The following NHSL1 variants were observed in gnomAD, a reference collection of about 807,000 sequenced individuals.
NHSL1 encodes the protein NHS like 1.
In NHSL1, 48 loss-of-function variants were observed where a neutral mutation model predicts 95.0. The ratio of observed to expected loss-of-function variants is 0.51; its 90% confidence interval spans 0.40 to 0.64. The LOEUF is 0.64. NHSL1 is among the 30% of genes least tolerant of loss of function. NHSL1 has a pLI of 0.00. For synonymous variants in NHSL1, 783 were observed against 833.9 expected (o/e 0.94, Z 1.05); for missense variants, 1,971 against 2,077.7 (o/e 0.95, Z 1.00).
intron 1 of NHSL1, among the ~76,000 whole-genome samples, chr6:138,642,696 A>G (rs1315807895): frequency 6.6e-6 from 1 of 152,186 alleles, no homozygotes; most frequent in Non-Finnish European, 1.5e-5. Context: ...GTTTTAGAGA[A>G]TCAGGTCTGT....
chr6:138,459,609 C>T (rs1033708434), intron 3 of NHSL1, among the ~76,000 whole-genome samples: 3 of 152,160 alleles, frequency 2.0e-5, no homozygotes, highest in Non-Finnish European at 4.4e-5. Flanking sequence ...GTCTTGGCTA[C>T]CTCTTTCCAT....
rs1260010068 is a variant in NHSL1, at chr6:138,447,052, G to T, written c.481C>A (p.Arg161=). ...GCCTGGACTGTTTGGGCTTGCTGTC[G>T]CATCTTCTCTTCTGGTGTTGGCAGT... The part of the protein sequence containing the change: ...LPLPTPEEKM[R]QQAQTVQADV... Residue 161 remains arginine, a synonymous_variant, in exon 4 of 8, where the codon CGA becomes AGA. Transcript: ENST00000343505. 4 of 1,551,688 alleles carry T rather than the reference G, an allele frequency of 2.6e-6. No homozygotes were observed. The highest frequency in any genetic ancestry group is 1.4e-5 in the African/African-American group (1 of 73,144).
At position 138,648,178 on chromosome 6, in the gene NHSL1, T is replaced by G. The variant is rs1213175233; in HGVS notation, c.96+44298A>C. On this transcript the variant is annotated intron_variant, in intron 1 of 3. Coordinates refer to the NHSL1 transcript ENST00000491526. ...AGACCGTACACACACACACAGTTGC[T>G]AAGCAGTTATTAAAATGCATCTATC... is the stretch of plus-strand genomic sequence containing the variant. Among the ~76,000 whole-genome samples the G allele has an allele frequency of 5.9e-5, 9 of 152,286 alleles. No individual in the cohort carries two copies. The East Asian group carries it at 1.5e-3, about 26-fold the overall frequency.
At chr6:138,594,321 T>C (rs1784272986) in intron 1 of NHSL1, among the ~76,000 whole-genome samples, 1 of 152,156 alleles carries the variant, frequency 6.6e-6, no homozygotes, top group South Asian at 2.1e-4. Flanking sequence ...TTTGGGAGAA[T>C]GAAGCTACGT....
At chr6:138,546,145 C>T (rs1229232128), upstream of NHSL1, among the ~76,000 whole-genome samples, 1 of 152,006 alleles carries the variant, frequency 6.6e-6, no homozygotes, top group Non-Finnish European at 1.5e-5. Context: ...ACACCATATA[C>T]TGGTACATAA....
intron 1 of NHSL1, among the ~76,000 whole-genome samples, chr6:138,607,704 T>C (rs1784453470): frequency 2.0e-5 from 3 of 151,988 alleles, no homozygotes; most frequent in South Asian, 4.2e-4. Context: ...ATAATCGGAG[T>C]GGGGTTTCTT....
intron 1 of NHSL1, among the ~76,000 whole-genome samples, chr6:138,641,532 A>C (rs1455817519): frequency 6.6e-6 from 1 of 150,720 alleles, no homozygotes; most frequent in Non-Finnish European, 1.5e-5. Flanking sequence ...CTGATGCAGG[A>C]GAATCGCTTG....
intron 1 of NHSL1, among the ~76,000 whole-genome samples, chr6:138,587,579 C>A (rs1305771979): frequency 2.0e-5 from 3 of 149,420 alleles, no homozygotes; most frequent in Admixed American, 1.3e-4. Context: ...AACTACTGAT[C>A]TTTAAGAAAG....
At chr6:138,610,574 A>ATATATATATATATATATAT (rs1784498770) in intron 1 of NHSL1, among the ~76,000 whole-genome samples, 1 of 148,514 alleles carries the variant, frequency 6.7e-6, no homozygotes, top group African/African-American at 2.5e-5. Context: ...ATATATATAT[A>ATATATATATATATATATAT]AAAAGAAAAG....
chr6:138,463,797 C>G lies in NHSL1; in HGVS notation c.339+9509G>C, dbSNP rs772362284. On this transcript the variant is annotated intron_variant, in intron 3 of 7. Transcript: ENST00000343505. Reference sequence around the variant, plus strand: ...TTGTGTGACGTTCTTATATGTCACTCGGTAGTCTGCTCTAATGATGACTCT... The same window carrying G: ...TTGTGTGACGTTCTTATATGTCACTGGGTAGTCTGCTCTAATGATGACTCT... Among the ~76,000 whole-genome samples, 25 of 152,070 alleles carry G rather than the reference C, an allele frequency of 1.6e-4. 1 individual carries two copies. Among genetic ancestry groups the G allele is most frequent in the Admixed American group, 1.1e-3 (17 of 15,260 alleles).
chr6:138,445,953 AT>A (rs1202521741), intron 4 of NHSL1, among the ~76,000 whole-genome samples: 1 of 151,536 alleles, frequency 6.6e-6, no homozygotes, highest in Non-Finnish European at 1.5e-5. Flanking sequence ...TCACATGTCT[AT>A]TTTGCACTTT....
At chr6:138,555,196 G>T (rs1333706578) in intron 1 of NHSL1, among the ~76,000 whole-genome samples, 1 of 152,128 alleles carries the variant, frequency 6.6e-6, no homozygotes, top group South Asian at 2.1e-4. Context: ...TTTCCTTTTT[G>T]ATTTTTGTTT....
chr6:138,650,229 G>A (rs112297316), intron 1 of NHSL1: 25,178 of 630,334 alleles, frequency 0.04, 691 homozygotes, highest in Middle Eastern at 0.096. Context: ...TTACTCCAGG[G>A]TGAAAGATGA....
chr6:138,448,091 C>G (rs573628968), intron 3 of NHSL1, among the ~76,000 whole-genome samples: 71 of 152,200 alleles, frequency 4.7e-4, no homozygotes, highest in Non-Finnish European at 8.2e-4. Flanking sequence ...ACATTTCTAG[C>G]AGTGTCTGTT....
At chr6:138,571,702 C>A (rs936387758) in intron 1 of NHSL1, 1 of 1,548,286 alleles carries the variant, frequency 6.5e-7, no homozygotes, top group Non-Finnish European at 8.7e-7. Context: ...TTTTAAAAAT[C>A]GAGTCACCTT....
chr6:138,569,245 A>ATGTG lies in NHSL1; in HGVS notation c.202+2461_202+2464dup, dbSNP rs58789555. Reference sequence around the variant, plus strand: ...GTCACTGCATGATGGTTGTGTGTATATGTGTGTGTGTGTGTGTGTGTGTGT... The same window carrying ATGTG: ...GTCACTGCATGATGGTTGTGTGTATATGTGTGTGTGTGTGTGTGTGTGTGTGTGT... On this transcript the variant is annotated intron_variant, in intron 1 of 6. Transcript: ENST00000427025. Among the ~76,000 whole-genome samples, 800 of 147,504 alleles carry ATGTG rather than the reference A, an allele frequency of 5.4e-3. 5 individuals are homozygous for ATGTG. Among genetic ancestry groups the ATGTG allele is most frequent in the African/African-American group, 8.7e-3 (352 of 40,328 alleles).
In NHSL1 at chr6:138,434,410, T is replaced by TA. The variant is rs373971787; in HGVS notation, c.665-731dup. Among the ~76,000 whole-genome samples, 1,050 of 138,530 alleles carry TA rather than the reference T, an allele frequency of 7.6e-3. 5 individuals carry two copies. Among genetic ancestry groups the TA allele is most frequent in the South Asian group, 0.014 (63 of 4,346 alleles). The allele number at this position is 138,530 out of a possible 152,430, so 90.9% of individuals were successfully genotyped here. On this transcript the variant is annotated intron_variant, in intron 5 of 7. Coordinates refer to ENST00000343505, the MANE Select transcript of NHSL1 (RefSeq NM_001144060.2). Reference sequence around the variant, plus strand: ...TACAACCAAACAGAGAATAGTATGTTAAAAAAAAAAAAAGACAGAAAGAAA... The same window carrying TA: ...TACAACCAAACAGAGAATAGTATGTTAAAAAAAAAAAAAAGACAGAAAGAAA...
chr6:138,437,502 G>A (rs1776267954), intron 5 of NHSL1, among the ~76,000 whole-genome samples: 1 of 141,804 alleles, frequency 7.1e-6, no homozygotes, highest in South Asian at 2.2e-4. Flanking sequence ...TGATGAAGAT[G>A]TACAAAGTTT....
At chr6:138,678,544 T>C (rs1157143706) in intron 1 of NHSL1, among the ~76,000 whole-genome samples, 1 of 152,212 alleles carries the variant, frequency 6.6e-6, no homozygotes, top group Non-Finnish European at 1.5e-5. Context: ...TTTTCAAAAT[T>C]AAAATGAATT....
Sources: gnomAD v4.1 joint callset for allele counts (sites outside exome capture counted in the v4.1 genomes callset) on GRCh38, gnomAD v4.1.1 for gene constraint, MANE v1.5 for transcripts, NCBI Gene and HGNC (gene_info 2026-07-23, HGNC 2026-07-21) for gene names.